PGBD2: variants seen among roughly 807,000 people sequenced by gnomAD.
PGBD2 encodes the protein piggyBac transposable element-derived protein 2.
Under a neutral mutation model 8.1 loss-of-function variants are expected in PGBD2, and 6 were observed. The observed-to-expected ratio is 0.74, with a 90% CI of 0.40 to 1.46. The LOEUF (loss-of-function observed/expected upper bound fraction) is 1.46. Among genes scored for constraint, PGBD2 ranks in the 40% most tolerant of loss-of-function variants. The pLI is 0.02. For synonymous variants in PGBD2, 318 were observed against 272.2 expected, an observed-to-expected ratio of 1.17 and a Z score of -1.66; for missense variants, 802 against 739.0, an observed-to-expected ratio of 1.09 and a Z score of -0.99.
the PGBD2 span, among the ~76,000 whole-genome samples, chr1:248,880,865 A>T: frequency 2.3e-4 from 35 of 152,288 alleles, 1 homozygote; most frequent in South Asian, 2.7e-3. Context: ...TTAATAGTCT[A>T]TCCCAATAAT....
At chr1:248,895,402 A>G in the PGBD2 span, among the ~76,000 whole-genome samples, 1 of 152,188 alleles carries the variant, frequency 6.6e-6, no homozygotes, top group African/African-American at 2.4e-5. Flanking sequence ...AGGTCTGAGT[A>G]GCAAGGGTTC....
intron 1 of PGBD2, among the ~76,000 whole-genome samples, chr1:248,907,524 C>T (rs2103102169): frequency 6.6e-6 from 1 of 152,116 alleles, no homozygotes; most frequent in Middle Eastern, 3.4e-3. Flanking sequence ...TCCCACGAGG[C>T]TGTATTTCAG....
the PGBD2 span, among the ~76,000 whole-genome samples, chr1:248,884,216 C>T: frequency 1.4e-4 from 22 of 152,146 alleles, no homozygotes; most frequent in Admixed American, 2.0e-4. Context: ...AAAAACCAAA[C>T]TCTGTAAAAT....
intron 1 of PGBD2, among the ~76,000 whole-genome samples, chr1:248,906,787 C>G (rs1572269730): frequency 6.6e-6 from 1 of 151,834 alleles, no homozygotes; most frequent in South Asian, 2.1e-4. Flanking sequence ...TCGTTTTTAA[C>G]TGCGTCTGCC....
intron 2 of PGBD2, 71 bp from the exon 3 acceptor site, chr1:248,916,531 C>G (rs1410802887): frequency 1.5e-6 from 2 of 1,358,538 alleles, no homozygotes; most frequent in Non-Finnish European, 2.1e-6. Flanking sequence ...GTGGGAGCAC[C>G]CTCCTCTTTT....
At chr1:248,895,863 T>C in the PGBD2 span, among the ~76,000 whole-genome samples, 3 of 151,876 alleles carry the variant, frequency 2.0e-5, no homozygotes, top group African/African-American at 7.3e-5. Context: ...AATTTTTGTA[T>C]TTTTAGTAGA....
chr1:248,927,317 G>T, the PGBD2 span, among the ~76,000 whole-genome samples: 1 of 152,162 alleles, frequency 6.6e-6, no homozygotes, highest in Non-Finnish European at 1.5e-5. Context: ...CATCAGCATG[G>T]CCAGAAGGAA....
At chr1:248,898,771 A>G in the PGBD2 span, among the ~76,000 whole-genome samples, 4 of 152,204 alleles carry the variant, frequency 2.6e-5, no homozygotes, top group Non-Finnish European at 4.4e-5. Flanking sequence ...TTAACCTTAA[A>G]TGTAAATGGG....
At chr1:248,916,154 C>T (rs1436332735) in intron 2 of PGBD2, among the ~76,000 whole-genome samples, 2 of 152,202 alleles carry the variant, frequency 1.3e-5, no homozygotes, top group Non-Finnish European at 2.9e-5. Flanking sequence ...TGGCTCACGC[C>T]TGTAATCCCA....
the PGBD2 span, among the ~76,000 whole-genome samples, chr1:248,883,590 T>C: frequency 8.1e-3 from 1,097 of 136,128 alleles, 7 homozygotes; most frequent in African/African-American, 8.9e-3. Context: ...TTTTCTTTTT[T>C]TTTTTTTTTT....
the PGBD2 span, among the ~76,000 whole-genome samples, chr1:248,895,841 C>A: frequency 1.3e-5 from 2 of 151,858 alleles, no homozygotes; most frequent in African/African-American, 2.4e-5. Flanking sequence ...GCACGTGCCA[C>A]CACGCCCAGC....
At chr1:248,927,028 T>C in the PGBD2 span, among the ~76,000 whole-genome samples, 25 of 152,206 alleles carry the variant, frequency 1.6e-4, no homozygotes, top group African/African-American at 5.1e-4. Flanking sequence ...CAGTGACTCA[T>C]GCAAGCTTAG....
the PGBD2 span, among the ~76,000 whole-genome samples, chr1:248,892,750 C>A: frequency 2.0e-5 from 3 of 152,210 alleles, no homozygotes; most frequent in African/African-American, 7.2e-5. Flanking sequence ...CTACCCCAGA[C>A]AGTCTATGTG....
the PGBD2 span, among the ~76,000 whole-genome samples, chr1:248,927,460 CAA>C: frequency 6.6e-6 from 1 of 152,170 alleles, no homozygotes; most frequent in South Asian, 2.1e-4. Flanking sequence ...TCTTTTAAAA[CAA>C]GAGTCAGCAA....
At chr1:248,874,269 G>A in the PGBD2 span, among the ~76,000 whole-genome samples, 1 of 152,178 alleles carries the variant, frequency 6.6e-6, no homozygotes. Flanking sequence ...CTAGTGGTTA[G>A]GATTCGGCGC....
At chr1:248,913,704 A>C in intron 1 of PGBD2, 112 bp from the exon 2 acceptor site, 1 of 688,050 alleles carries the variant, frequency 1.5e-6, no homozygotes, top group Non-Finnish European at 2.6e-6. Flanking sequence ...GACACTATTA[A>C]GGTGGTGAAT....
At chr1:248,911,007 C>A (rs998297770) in intron 1 of PGBD2, among the ~76,000 whole-genome samples, 6 of 152,076 alleles carry the variant, frequency 3.9e-5, no homozygotes, top group Non-Finnish European at 8.8e-5. Flanking sequence ...TCCTCCTGCC[C>A]CTTTGTAATC....
chr1:248,913,950 A>C (rs768879087), intron 2 of PGBD2, 71 bp downstream of exon 2: 1 of 1,337,974 alleles, frequency 7.5e-7, no homozygotes, highest in Non-Finnish European at 1.1e-6. Flanking sequence ...GGCCAGGTCC[A>C]TGACATTTTT....
downstream of PGBD2, among the ~76,000 whole-genome samples, chr1:248,923,284 C>T (rs1374476180): frequency 1.3e-5 from 2 of 152,200 alleles, no homozygotes; most frequent in Admixed American, 6.5e-5. Flanking sequence ...GTTTGTATTT[C>T]TGGGGGATCA....
Sources: allele counts gnomAD v4.1 joint callset (sites outside exome capture counted in the v4.1 genomes callset), GRCh38; gene constraint gnomAD v4.1.1; transcripts MANE v1.5; gene names NCBI Gene and HGNC (gene_info 2026-07-23, HGNC 2026-07-21).